The following CERS4 variants were observed in gnomAD, a reference collection of about 807,000 sequenced individuals.
CERS4 encodes LAG1 homolog, ceramide synthase 4.
Under a neutral mutation model 51.8 loss-of-function variants are expected in CERS4, and 65 were observed. The observed-to-expected ratio is 1.26, with a 90% CI of 1.03 to 1.54. The LOEUF (loss-of-function observed/expected upper bound fraction) is 1.54. Ranked by LOEUF, CERS4 falls within the 40% of genes most tolerant of loss-of-function variation. The probability of loss-of-function intolerance (pLI) is 0.00; values close to 1 mark genes in which losing one functional copy is unlikely to be tolerated. For synonymous variants in CERS4, 228 were observed against 208.4 expected (o/e 1.09, Z -0.81); for missense variants, 563 against 500.4 (o/e 1.13, Z -1.19).
chr19:8,210,900 C>T lies in CERS4; in HGVS notation c.-2+38C>T, dbSNP rs1377779693. ...TGGGGTGTGGGGGGTGGGGGGCGGC[C>T]TTGGTCGTTGAACTGGCTGTAGGGC... On this transcript the variant is annotated intron_variant, in intron 2 of 11. Transcript: ENST00000251363. This position sits in a 1 kb window ranked among gnomAD's most constrained non-coding sequence, Gnocchi z 4.2. 1.3e-5 allele frequency: 2 copies of T among 152,394 alleles called. No individual in the cohort carries two copies. The highest frequency in any genetic ancestry group is 1.9e-4 in the East Asian group (1 of 5,182). 9.4% of individuals were successfully genotyped at this position (152,394 alleles called of 1,614,324 possible). A position where few individuals can be genotyped will look rare whatever the true frequency, so the allele number is the denominator to read the frequency against.
intron 2 of CERS4, among the ~76,000 whole-genome samples, chr19:8,245,122 A>ACAAAACGAACAAAAACAAAAAAAC (rs755450125): frequency 7.7e-6 from 1 of 129,258 alleles, no homozygotes; most frequent in Non-Finnish European, 1.6e-5. Context: ...AAAAAAAAAA[A>ACAAAACGAACAAAAACAAAAAAAC]AAAAAAAAAA....
At chr19:8,239,394 C>T (rs7245948) in intron 2 of CERS4, 62,616 of 138,440 alleles carry the variant, frequency 0.45, 14,226 homozygotes, top group Non-Finnish European at 0.53. Flanking sequence ...AGCAAAACTC[C>T]GTCTCAAAAA....
At chr19:8,255,053 G>T (rs1231371162) in intron 4 of CERS4, among the ~76,000 whole-genome samples, 1 of 152,186 alleles carries the variant, frequency 6.6e-6, no homozygotes, top group Non-Finnish European at 1.5e-5. Context: ...AACAGAAGCA[G>T]CCCTGTGACC....
intron 2 of CERS4, among the ~76,000 whole-genome samples, chr19:8,247,956 A>C (rs1968863967): frequency 6.7e-6 from 1 of 149,808 alleles, no homozygotes; most frequent in Non-Finnish European, 1.5e-5. Flanking sequence ...CTGGTCTTGA[A>C]CTCCTGACCT....
In CERS4 at chr19:8,255,588, C is replaced by G. The variant is rs1969331823; in HGVS notation, c.292-19C>G. 11 of 1,601,074 alleles carry G rather than the reference C, an allele frequency of 6.9e-6. No homozygotes were observed. Among genetic ancestry groups the G allele is most frequent in the Non-Finnish European group, 8.5e-6 (10 of 1,173,822 alleles). On this transcript the variant is annotated intron_variant, in intron 4 of 11. Coordinates refer to ENST00000251363, the MANE Select transcript of CERS4 (RefSeq NM_024552.3). ...CCACAGGGCCTCTGTGACCCTTGTC[C>G]TCATCACCCCCTCCCCAGCCCCAGC...
chr19:8,256,717 C>A lies in CERS4; in HGVS notation c.612+7C>A. 1.2e-6 allele frequency: 2 copies of A among 1,611,020 alleles called. No homozygotes were observed. Among genetic ancestry groups the A allele is most frequent in the Non-Finnish European group, 1.7e-6 (2 of 1,178,716 alleles). ...CTTTGATGTCAAGCGCAAGGTGAGG[C>A]CAAATAAGAGTCTGGAAGACCCAGT... On this transcript the variant is annotated splice_region_variant and intron_variant, in intron 8 of 11. Transcript: ENST00000251363.
intron 2 of CERS4, among the ~76,000 whole-genome samples, chr19:8,231,505 G>C (rs1210341399): frequency 6.6e-6 from 1 of 152,052 alleles, no homozygotes; most frequent in Admixed American, 6.6e-5. Context: ...GATGTACACA[G>C]ACTTTTAATG....
In CERS4 at chr19:8,257,010, G is replaced by A. The variant is rs1232636710; in HGVS notation, c.674G>A (p.Ser225Asn). The A allele has an allele frequency of 9.9e-6, 16 of 1,613,744 alleles. No homozygotes were observed. The highest frequency in any genetic ancestry group is 1.4e-5 in the Non-Finnish European group (16 of 1,179,870). ...GTCATCCTGATGACCTTCTCCTACA[G>A]TGCCAACCTGCTGCGCATTGGCTCT... Reference protein sequence around the residue: ...VAVILMTFSYSANLLRIGSLV... With the variant: ...VAVILMTFSYNANLLRIGSLV... The change falls in exon 9 of 12, where the codon AGT becomes AAT. Residue 225 changes from serine (S) to asparagine (N), a missense_variant. Ser to Asn is a conservative substitution (Grantham distance 46, BLOSUM62 1). Transcript: ENST00000251363.
At chr19:8,258,502 A>G (rs1969514915) in intron 10 of CERS4, among the ~76,000 whole-genome samples, 1 of 151,990 alleles carries the variant, frequency 6.6e-6, no homozygotes, top group South Asian at 2.1e-4. Flanking sequence ...TGAGGTCAGG[A>G]GTTCCAGACC....
At chr19:8,236,753 G>C (rs1173865564) in intron 2 of CERS4, among the ~76,000 whole-genome samples, 1 of 150,854 alleles carries the variant, frequency 6.6e-6, no homozygotes, top group African/African-American at 2.4e-5. Flanking sequence ...TGTAATCCCA[G>C]CACTTTGGGA....
Position 8,261,735 on chromosome 19 carries a change from T to A in CERS4, c.896T>A (p.Phe299Tyr). The A allele has an allele frequency of 1.9e-6, 3 of 1,614,098 alleles. No homozygotes were observed. Among genetic ancestry groups the A allele is most frequent in the South Asian group, 2.2e-5 (2 of 91,084 alleles). ...GAGTCCATCAGCAACAGGGGCCCCT[T>A]CTTCGGCTACTACTTCTTCAACGGG... ...YYESISNRGP[F>Y]FGYYFFNGLL... Residue 299 changes from phenylalanine (F) to tyrosine (Y), a missense_variant, in exon 11 of 12, where the codon TTC becomes TAC. By Grantham distance (22) the Phe-to-Tyr change is conservative (BLOSUM62 3). Coordinates refer to ENST00000251363, the MANE Select transcript of CERS4 (RefSeq NM_024552.3).
rs1967405772 is a variant in CERS4 at position 8,218,677 on chromosome 19, C to T, written c.-2+7815C>T. On this transcript the variant is annotated intron_variant, in intron 2 of 11. Transcript: ENST00000251363. ...GAGCCACTGCTGAGAGAGGGATGGA[C>T]TCCATCTGTGTGTATCCCAGAGGAG... Among the ~76,000 whole-genome samples the T allele has an allele frequency of 3.9e-5, 6 of 152,342 alleles. No individual in the cohort carries two copies. The South Asian group carries it at 1.2e-3, about 32-fold the overall frequency.
intron 2 of CERS4, among the ~76,000 whole-genome samples, chr19:8,217,879 G>A (rs1028043396): frequency 6.6e-6 from 1 of 152,092 alleles, no homozygotes; most frequent in African/African-American, 2.4e-5. Context: ...TGCCATGCTG[G>A]CCAGACTGGT....
intron 2 of CERS4, among the ~76,000 whole-genome samples, chr19:8,223,726 C>G (rs920020919): frequency 1.3e-5 from 2 of 152,112 alleles, no homozygotes; most frequent in African/African-American, 4.8e-5. Context: ...GTCGAAACTG[C>G]AGTGAACCTT....
At chr19:8,260,765 C>T (rs1969641969) in intron 10 of CERS4, among the ~76,000 whole-genome samples, 1 of 151,234 alleles carries the variant, frequency 6.6e-6, no homozygotes, top group African/African-American at 2.4e-5. Flanking sequence ...GCCTGGCCAA[C>T]ATGGCAAAAA....
intron 2 of CERS4, among the ~76,000 whole-genome samples, chr19:8,247,698 G>A (rs2145275158): frequency 6.6e-6 from 1 of 150,472 alleles, no homozygotes; most frequent in South Asian, 2.1e-4. Context: ...GGGATTACAG[G>A]CATGAACCAC....
chr19:8,232,300 C>A (rs181543114), intron 2 of CERS4, among the ~76,000 whole-genome samples: 257 of 151,158 alleles, frequency 1.7e-3, no homozygotes, highest in African/African-American at 5.9e-3. Context: ...TTTTTCTTTT[C>A]TTTTTTTTAA....
chr19:8,216,028 G>A (rs1443415081), intron 2 of CERS4, among the ~76,000 whole-genome samples: 2 of 152,068 alleles, frequency 1.3e-5, no homozygotes, highest in East Asian at 3.9e-4. Flanking sequence ...CTATCATCAG[G>A]GTTTCCTCCC....
intron 4 of CERS4, 117 bp downstream of exon 4, chr19:8,254,733 A>C (rs1969282300): frequency 1.2e-6 from 1 of 826,700 alleles, no homozygotes; most frequent in Non-Finnish European, 2.0e-6. Flanking sequence ...GCACCCCTGC[A>C]ATGCCCCTAC....
Sources: gnomAD v4.1 joint callset for allele counts (sites outside exome capture counted in the v4.1 genomes callset) on GRCh38, gnomAD v4.1.1 for gene constraint, Gnocchi (gnomAD v3.1) non-coding constraint, MANE v1.5 for transcripts, NCBI Gene and HGNC (gene_info 2026-07-23, HGNC 2026-07-21) for gene names.